Variants in NAALADL2 observed in about 807,000 individuals in gnomAD.
NAALADL2 encodes the protein N-acetylated alpha-linked acidic dipeptidase like 2.
Under a neutral mutation model 87.2 loss-of-function variants are expected in NAALADL2, and 76 were observed. The ratio of observed to expected loss-of-function variants is 0.87; its 90% CI spans 0.72 to 1.05. The LOEUF (loss-of-function observed/expected upper bound fraction) is 1.05. Among genes scored for constraint, NAALADL2 ranks in the 50% least tolerant of loss-of-function variants. The pLI is 0.00. For missense variants in NAALADL2, 1,089 were observed against 945.8 expected, an observed-to-expected ratio of 1.15 and a Z score of -1.99; for synonymous variants, 354 against 331.0, an observed-to-expected ratio of 1.07 and a Z score of -0.75.
chr3:175,493,479 A>G (rs1180449521), intron 9 of NAALADL2, among the ~76,000 whole-genome samples: 1 of 152,126 alleles, frequency 6.6e-6, no homozygotes, highest in Non-Finnish European at 1.5e-5. Context: ...TGCTCAAGTT[A>G]ATCCAAGCTC....
chr3:175,642,498 T>TC (rs1560901950), intron 11 of NAALADL2, among the ~76,000 whole-genome samples: 1 of 137,568 alleles, frequency 7.3e-6, no homozygotes, highest in African/African-American at 3.1e-5. Context: ...ATCACCCAAA[T>TC]CTTTTTTTTT....
At chr3:175,635,444 T>A (rs1326423833) in intron 11 of NAALADL2, among the ~76,000 whole-genome samples, 1 of 152,168 alleles carries the variant, frequency 6.6e-6, no homozygotes, top group Non-Finnish European at 1.5e-5. Context: ...ATATAAAGAC[T>A]GATTTCGACA....
intron 5 of NAALADL2, among the ~76,000 whole-genome samples, chr3:175,428,444 A>AT (rs1717192551): frequency 6.6e-6 from 1 of 152,040 alleles, no homozygotes; most frequent in African/African-American, 2.4e-5. Flanking sequence ...CAGACAGGAC[A>AT]TTTTTTCAGC....
intron 10 of NAALADL2, among the ~76,000 whole-genome samples, chr3:175,579,613 A>G (rs1488862275): frequency 6.6e-6 from 1 of 152,196 alleles, no homozygotes; most frequent in African/African-American, 2.4e-5. Flanking sequence ...GTTAATTGAA[A>G]CATTTCCAGT....
At chr3:174,584,323 G>A (rs1051273413) in intron 2 of NAALADL2, among the ~76,000 whole-genome samples, 1 of 152,186 alleles carries the variant, frequency 6.6e-6, no homozygotes, top group African/African-American at 2.4e-5. Context: ...ACTGGGTGTA[G>A]GGTGTAGAGC....
At chr3:175,760,815 C>G (rs1265766806) in intron 13 of NAALADL2, among the ~76,000 whole-genome samples, 1 of 152,160 alleles carries the variant, frequency 6.6e-6, no homozygotes, top group Non-Finnish European at 1.5e-5. Context: ...AGCAACGAGT[C>G]TGCCCTGGTA....
intron 5 of NAALADL2, among the ~76,000 whole-genome samples, chr3:175,435,630 G>A (rs962883354): frequency 2.0e-4 from 30 of 151,952 alleles, no homozygotes; most frequent in African/African-American, 7.0e-4. Flanking sequence ...GAGAATGATG[G>A]TAACTCATAT....
intron 9 of NAALADL2, among the ~76,000 whole-genome samples, chr3:175,501,245 T>C (rs1582149739): frequency 6.6e-6 from 1 of 152,248 alleles, no homozygotes; most frequent in Admixed American, 6.5e-5. Flanking sequence ...GTTCATATAT[T>C]TGAATCAAGA....
intron 9 of NAALADL2, among the ~76,000 whole-genome samples, chr3:175,526,293 T>C (rs1360952826): frequency 6.6e-6 from 1 of 152,230 alleles, no homozygotes; most frequent in East Asian, 1.9e-4. Flanking sequence ...CTTTACAGTA[T>C]ATTTTGGTGC....
At chr3:175,732,889 G>T (rs188827986) in intron 11 of NAALADL2, among the ~76,000 whole-genome samples, 1 of 149,718 alleles carries the variant, frequency 6.7e-6, no homozygotes, top group Non-Finnish European at 1.5e-5. Context: ...AACAACACAC[G>T]CTGGGGTCTG....
At chr3:175,264,800 A>G (rs539590808) in intron 4 of NAALADL2, among the ~76,000 whole-genome samples, 112 of 151,744 alleles carry the variant, frequency 7.4e-4, no homozygotes, top group African/African-American at 2.6e-3. Context: ...ATTATATAAT[A>G]TTAGAAAAAC....
intron 2 of NAALADL2, among the ~76,000 whole-genome samples, chr3:175,103,683 A>T (rs73039238): frequency 0.1 from 15,401 of 152,238 alleles, 1,663 homozygotes; most frequent in African/African-American, 0.27. Context: ...ATCAAAAGAT[A>T]CAAATAAGTT....
At chr3:174,685,506 A>G (rs1727946944) in intron 2 of NAALADL2, among the ~76,000 whole-genome samples, 1 of 152,024 alleles carries the variant, frequency 6.6e-6, no homozygotes, top group African/African-American at 2.4e-5. Flanking sequence ...TGGAGCAGCT[A>G]GAGAAATTTT....
intron 3 of NAALADL2, among the ~76,000 whole-genome samples, chr3:174,740,669 A>G (rs985613788): frequency 6.6e-6 from 1 of 151,900 alleles, no homozygotes; most frequent in African/African-American, 2.4e-5. Context: ...AGAAACCAGA[A>G]TAATAACGGT....
intron 9 of NAALADL2, among the ~76,000 whole-genome samples, chr3:175,509,660 T>A (rs34759774): frequency 0.046 from 7,016 of 152,232 alleles, 239 homozygotes; most frequent in Non-Finnish European, 0.068. Context: ...AATTAATTAA[T>A]AAGCAGATGA....
chr3:175,730,524 T>G (rs933857067), intron 11 of NAALADL2, among the ~76,000 whole-genome samples: 6 of 146,158 alleles, frequency 4.1e-5, no homozygotes, highest in African/African-American at 1.5e-4. Context: ...GTTGCCTTGT[T>G]GCCTCATAGG....
At chr3:174,662,299 C>T (rs1725576995) in intron 2 of NAALADL2, among the ~76,000 whole-genome samples, 2 of 151,984 alleles carry the variant, frequency 1.3e-5, no homozygotes, top group Admixed American at 6.6e-5. Flanking sequence ...AGAGTATAAG[C>T]AGTATGAAAT....
chr3:175,399,716 C>T (rs531587180), intron 5 of NAALADL2, among the ~76,000 whole-genome samples: 4 of 152,016 alleles, frequency 2.6e-5, no homozygotes, highest in Non-Finnish European at 5.9e-5. Context: ...GTATCTTTTG[C>T]CGACCTCCTC....
chr3:174,922,732 A>C (rs1270672385), intron 1 of NAALADL2, among the ~76,000 whole-genome samples: 5 of 152,184 alleles, frequency 3.3e-5, no homozygotes, highest in African/African-American at 1.2e-4. Flanking sequence ...GGGTTTGTTG[A>C]ATTTTTCTCA....
Sources: gnomAD v4.1 joint callset for allele counts (sites outside exome capture counted in the v4.1 genomes callset) on GRCh38, gnomAD v4.1.1 for gene constraint, MANE v1.5 for transcripts, NCBI Gene and HGNC (gene_info 2026-07-23, HGNC 2026-07-21) for gene names.